The following WWOX variants were observed in gnomAD, a reference collection of about 807,000 sequenced individuals.
WWOX encodes WW domain-containing oxidoreductase.
In WWOX, 69 loss-of-function variants were observed where a neutral mutation model predicts 46.2. The ratio of observed to expected loss-of-function variants is 1.49; its 90% CI spans 1.23 to 1.82. WWOX has a LOEUF of 1.82. WWOX is among the 40% of genes most tolerant of loss of function. WWOX has a pLI of 0.00. For missense variants in WWOX, 919 were observed against 542.6 expected (o/e 1.69, Z -6.89); for synonymous variants, 359 against 202.6 (o/e 1.77, Z -6.56).
chr16:79,202,240 G>A (rs546626224), intron 8 of WWOX, among the ~76,000 whole-genome samples: 2 of 152,250 alleles, frequency 1.3e-5, no homozygotes, highest in African/African-American at 2.4e-5. Flanking sequence ...ATTATATACA[G>A]GAAAGAATGA....
chr16:78,113,914 A>G (rs1318424204), intron 3 of WWOX, among the ~76,000 whole-genome samples: 5 of 152,152 alleles, frequency 3.3e-5, no homozygotes, highest in Non-Finnish European at 7.3e-5. Context: ...ATGAGTATAT[A>G]TTTTAAACTA....
intron 8 of WWOX, among the ~76,000 whole-genome samples, chr16:79,126,588 C>T (rs949635045): frequency 7.2e-5 from 11 of 152,250 alleles, no homozygotes; most frequent in African/African-American, 2.6e-4. Flanking sequence ...CCTCCCCAGT[C>T]ATGTGAAACG....
At position 79,212,009 on chromosome 16, in the gene WWOX, C is replaced by T. The variant is rs929879673; in HGVS notation, c.*213C>T. 3.9e-6 allele frequency: 6 copies of T among 1,536,096 alleles called. No individual in the cohort carries two copies. The highest frequency in any genetic ancestry group is 1.7e-4 in the Middle Eastern group (1 of 6,012). ...ATCACTTTTCTGGGGCTGGGCTAGG[C>T]ATAGGTCTCTTTGCTTTCTGGTGGT... On this transcript the variant is annotated 3_prime_UTR_variant, in exon 9 of 9. Coordinates refer to ENST00000566780, the MANE Select transcript of WWOX (RefSeq NM_016373.4).
At chr16:78,823,594 T>G (rs1193904035) in intron 8 of WWOX, among the ~76,000 whole-genome samples, 1 of 152,182 alleles carries the variant, frequency 6.6e-6, no homozygotes, top group Non-Finnish European at 1.5e-5. Context: ...ATCTGAAGTT[T>G]AATGGACATT....
intron 6 of WWOX, among the ~76,000 whole-genome samples, chr16:78,414,107 G>C (rs926023469): frequency 6.6e-6 from 1 of 151,830 alleles, no homozygotes; most frequent in African/African-American, 2.4e-5. Flanking sequence ...GTGAGTCTCA[G>C]GAGCTCCCCC....
At chr16:79,192,297 A>G (rs1189883572) in intron 8 of WWOX, among the ~76,000 whole-genome samples, 3 of 142,026 alleles carry the variant, frequency 2.1e-5, no homozygotes, top group Non-Finnish European at 4.5e-5. Context: ...TTATTTTCGC[A>G]GTGATTCATT....
chr16:78,490,256 A>C (rs2151460278), intron 8 of WWOX, among the ~76,000 whole-genome samples: 1 of 120,166 alleles, frequency 8.3e-6, no homozygotes. Context: ...TCAACCAAGC[A>C]CCAACGGAAG....
intron 8 of WWOX, among the ~76,000 whole-genome samples, chr16:78,871,981 A>G (rs1405142857): frequency 1.3e-5 from 2 of 152,106 alleles, no homozygotes; most frequent in African/African-American, 4.8e-5. Flanking sequence ...GGCCTTGCAG[A>G]CCCTCTCAGA....
At chr16:78,608,289 C>G (rs1433751523) in intron 8 of WWOX, among the ~76,000 whole-genome samples, 1 of 152,182 alleles carries the variant, frequency 6.6e-6, no homozygotes, top group African/African-American at 2.4e-5. Flanking sequence ...GCTTAAAAGG[C>G]CAGTTTCTCT....
intron 8 of WWOX, among the ~76,000 whole-genome samples, chr16:78,817,484 A>G (rs1483312860): frequency 2.0e-5 from 3 of 152,208 alleles, no homozygotes; most frequent in Non-Finnish European, 4.4e-5. Context: ...CTGGATGTGC[A>G]TAAGGCACAC....
chr16:78,970,328 G>T (rs1311007656), intron 8 of WWOX, among the ~76,000 whole-genome samples: 1 of 152,126 alleles, frequency 6.6e-6, no homozygotes, highest in Non-Finnish European at 1.5e-5. Flanking sequence ...ACTCCATTTG[G>T]ACTTTCTCTA....
At chr16:79,018,191 G>C (rs771133227) in intron 8 of WWOX, among the ~76,000 whole-genome samples, 5 of 152,122 alleles carry the variant, frequency 3.3e-5, no homozygotes, top group South Asian at 2.1e-4. Context: ...GTCTATCGTT[G>C]AGTCCCTAGT....
intron 8 of WWOX, chr16:79,110,959 C>T (rs2278051): frequency 2.0e-5 from 3 of 152,130 alleles, no homozygotes; most frequent in Non-Finnish European, 2.9e-5. Flanking sequence ...TCTTCATGGT[C>T]AAGAAATGGC....
intron 8 of WWOX, among the ~76,000 whole-genome samples, chr16:79,060,119 C>T (rs1004496152): frequency 6.6e-6 from 1 of 152,120 alleles, no homozygotes; most frequent in Admixed American, 6.5e-5. Flanking sequence ...GTTTCTGTGT[C>T]AACCACCATT....
intron 8 of WWOX, among the ~76,000 whole-genome samples, chr16:78,671,470 C>G (rs1474373911): frequency 6.6e-6 from 1 of 152,128 alleles, no homozygotes; most frequent in African/African-American, 2.4e-5. Context: ...TGTTTTAAGA[C>G]AATTTGCCTG....
intron 8 of WWOX, among the ~76,000 whole-genome samples, chr16:78,834,099 T>C (rs1378615529): frequency 1.3e-5 from 2 of 152,238 alleles, no homozygotes; most frequent in Non-Finnish European, 2.9e-5. Context: ...GTCGAACGTC[T>C]GGAACTGAGC....
At chr16:78,762,398 G>A (rs1020028582) in intron 8 of WWOX, among the ~76,000 whole-genome samples, 15 of 152,180 alleles carry the variant, frequency 9.9e-5, no homozygotes, top group Middle Eastern at 3.2e-3. Context: ...TTGGTGACTC[G>A]TGTGTACTTT....
intron 8 of WWOX, among the ~76,000 whole-genome samples, chr16:78,689,503 C>T (rs901103059): frequency 2.6e-5 from 4 of 152,204 alleles, no homozygotes; most frequent in African/African-American, 7.2e-5. Context: ...GCTCCTCTCT[C>T]CTTGCTGGAT....
chr16:78,372,771 A>G (rs2081723234), intron 5 of WWOX, among the ~76,000 whole-genome samples: 1 of 152,184 alleles, frequency 6.6e-6, no homozygotes, highest in Non-Finnish European at 1.5e-5. Context: ...TTTGTTTCCC[A>G]TTAATTCATG....
Sources: allele counts gnomAD v4.1 joint callset (sites outside exome capture counted in the v4.1 genomes callset), GRCh38; gene constraint gnomAD v4.1.1; transcripts MANE v1.5; gene names NCBI Gene and HGNC (gene_info 2026-07-23, HGNC 2026-07-21).